The following HNRNPR variants were observed in gnomAD, a reference collection of about 807,000 sequenced individuals.
HNRNPR encodes the protein heterogeneous nuclear ribonucleoprotein R.
In HNRNPR, 4 loss-of-function variants were observed where a neutral mutation model predicts 70.3. The ratio of observed to expected loss-of-function variants is 0.06; its 90% confidence interval spans 0.03 to 0.13. HNRNPR has a LOEUF of 0.13. Among genes scored for constraint, HNRNPR ranks in the 10% least tolerant of loss-of-function variants. The pLI, the probability that HNRNPR is intolerant of heterozygous loss-of-function variation, is 1.00. For synonymous variants in HNRNPR, 241 were observed against 267.6 expected, an observed-to-expected ratio of 0.90 and a Z score of 0.97; for missense variants, 423 against 788.5, an observed-to-expected ratio of 0.54 and a Z score of 5.55.
At position 23,338,026 on chromosome 1, in the gene HNRNPR, G is replaced by C. The variant is rs1646567812; in HGVS notation, c.277-165C>G. ...TTACTATGTGCCAGAGATTGGAGCA[G>C]ACAGCAGTAAGGCAGTATAGACCTC... is the stretch of plus-strand genomic sequence containing the variant. On this transcript the variant is annotated intron_variant, in intron 3 of 10. Transcript: ENST00000302271. The C allele has an allele frequency of 9.4e-5, 55 of 584,438 alleles. No homozygotes were observed. The South Asian group carries it at 1.2e-3, about 12-fold the overall frequency. 36.2% of individuals were successfully genotyped at this position (584,438 alleles called of 1,614,324 possible).
At chr1:23,335,637 G>A (rs1301832538) in intron 4 of HNRNPR, among the ~76,000 whole-genome samples, 1 of 152,112 alleles carries the variant, frequency 6.6e-6, no homozygotes, top group African/African-American at 2.4e-5. Flanking sequence ...CTCCTTATGA[G>A]AATCTAATGC....
intron 5 of HNRNPR, among the ~76,000 whole-genome samples, chr1:23,324,914 G>C (rs933061518): frequency 6.6e-6 from 1 of 152,138 alleles, no homozygotes; most frequent in Admixed American, 6.5e-5. Flanking sequence ...GCTGAGGCGG[G>C]CGGATCACGA....
Position 23,318,539 on chromosome 1 carries a change from C to G in HNRNPR, c.961G>C (p.Val321Leu). ...ACAGGGTCAGCCCATTCAACTGTAACTACATTTCCCCACACTTTTACTTTT... is the reference window on the plus strand; with the variant it reads ...ACAGGGTCAGCCCATTCAACTGTAAGTACATTTCCCCACACTTTTACTTTT... ...SGKVKVWGNV[V>L]TVEWADPVEE... The change falls in exon 8 of 11, where the codon GTT becomes CTT. Residue 321 changes from valine to leucine, a missense_variant. Coordinates refer to ENST00000302271, the MANE Select transcript of HNRNPR (RefSeq NM_005826.5). The surrounding 1 kb of genome is among the most constrained non-coding windows in gnomAD (Gnocchi z 4.2). 6.2e-7 allele frequency: 1 copy of G among 1,614,214 alleles called. No homozygotes were observed.
intron 5 of HNRNPR, among the ~76,000 whole-genome samples, chr1:23,332,431 G>A (rs915652148): frequency 9.3e-5 from 14 of 150,348 alleles, no homozygotes; most frequent in African/African-American, 2.7e-4. Flanking sequence ...GGCCAGGCGC[G>A]GTGGCTCACG....
chr1:23,326,168 C>T (rs1645966229), intron 5 of HNRNPR, among the ~76,000 whole-genome samples: 1 of 151,884 alleles, frequency 6.6e-6, no homozygotes, highest in African/African-American at 2.4e-5. Flanking sequence ...AGCCACTGCG[C>T]CCGGCCTGTT....
chr1:23,323,796 C>T (rs538959457), intron 5 of HNRNPR, 64 bp from the exon 6 acceptor site: 5 of 1,374,090 alleles, frequency 3.6e-6, no homozygotes, highest in Non-Finnish European at 5.1e-6. Context: ...ATAAAGCCTA[C>T]TGCCTTTTTT....
At chr1:23,322,067 G>C (rs1316039300) in intron 6 of HNRNPR, among the ~76,000 whole-genome samples, 1 of 152,066 alleles carries the variant, frequency 6.6e-6, no homozygotes, top group Admixed American at 6.6e-5. Context: ...TAACAACTAT[G>C]TTTAATCAAT....
intron 4 of HNRNPR, 140 bp downstream of exon 4, chr1:23,337,614 G>A (rs970813659): frequency 3.0e-5 from 17 of 570,914 alleles, no homozygotes; most frequent in South Asian, 1.7e-4. Context: ...CCAAGACTGC[G>A]CCGCTACTCC....
At chr1:23,325,476 A>C (rs2148401612) in intron 5 of HNRNPR, among the ~76,000 whole-genome samples, 1 of 152,298 alleles carries the variant, frequency 6.6e-6, no homozygotes, top group African/African-American at 2.4e-5. Flanking sequence ...TGATTCTCAC[A>C]CAATAGTTAT....
At chr1:23,333,428 G>GA in intron 5 of HNRNPR, 90 bp downstream of exon 5, 1 of 714,162 alleles carries the variant, frequency 1.4e-6, no homozygotes, top group Non-Finnish European at 2.4e-6. Context: ...AAGGGATCAA[G>GA]AATTTTCCCC....
chr1:23,312,540 T>TA (rs1645376275), intron 9 of HNRNPR, among the ~76,000 whole-genome samples: 2 of 152,198 alleles, frequency 1.3e-5, no homozygotes, highest in Admixed American at 1.3e-4. Context: ...GCATAACAGA[T>TA]AAGACTCCAT....
intron 2 of HNRNPR, among the ~76,000 whole-genome samples, chr1:23,340,633 A>G (rs1646674612): frequency 6.6e-6 from 1 of 152,216 alleles, no homozygotes; most frequent in South Asian, 2.1e-4. Flanking sequence ...CTGTTCTGAA[A>G]CAACTAAGAC....
At chr1:23,319,241 T>G (rs568176860) in intron 7 of HNRNPR, among the ~76,000 whole-genome samples, 2 of 152,188 alleles carry the variant, frequency 1.3e-5, no homozygotes, top group African/African-American at 4.8e-5. Context: ...TATAAATACT[T>G]AGATTTTTTT....
At chr1:23,335,583 G>A (rs1646439072) in intron 4 of HNRNPR, among the ~76,000 whole-genome samples, 1 of 152,152 alleles carries the variant, frequency 6.6e-6, no homozygotes. Flanking sequence ...ACAGGAGGGT[G>A]AATCCTATTG....
Position 23,310,655 on chromosome 1 carries a change from G to T in HNRNPR, c.1701C>A (p.Gly567=). 6.2e-7 allele frequency: 1 copy of T among 1,613,446 alleles called. No individual in the cohort carries two copies. Among genetic ancestry groups the T allele is most frequent in the Non-Finnish European group, 8.5e-7 (1 of 1,179,746 alleles). ...GSRGSRGNRG[G]NVGGKRKADG... ...CTGCCTTTCTCTTGCCTCCTACATT[G>T]CCCCCACGATTGCCCCGAGATCCAC... The change falls in exon 11 of 11, where the codon GGC becomes GGA. Residue 567 remains glycine (G), a synonymous_variant. Coordinates refer to ENST00000302271, the MANE Select transcript of HNRNPR (RefSeq NM_005826.5). The surrounding 1 kb of genome is among the most constrained non-coding windows in gnomAD (Gnocchi z 6.0).
intron 5 of HNRNPR, among the ~76,000 whole-genome samples, chr1:23,325,860 A>G (rs945099787): frequency 2.0e-5 from 3 of 152,082 alleles, no homozygotes; most frequent in Non-Finnish European, 4.4e-5. Context: ...TTTCACTGAT[A>G]AATGTTTGGT....
At chr1:23,337,894 C>T in intron 3 of HNRNPR, 33 bp from the exon 4 acceptor site, 1 of 1,298,772 alleles carries the variant, frequency 7.7e-7, no homozygotes, top group Non-Finnish European at 1.1e-6. Context: ...TAAAAAGAAT[C>T]ACCAAAAATA....
chr1:23,311,176 T>C (rs762078721), intron 10 of HNRNPR, 25 bp downstream of exon 10: 63 of 1,612,986 alleles, frequency 3.9e-5, no homozygotes, highest in Non-Finnish European at 5.0e-5. Context: ...TGTCCAAAGA[T>C]ATATCTACTA....
chr1:23,326,642 AG>A (rs1645987490), intron 5 of HNRNPR, among the ~76,000 whole-genome samples: 1 of 152,134 alleles, frequency 6.6e-6, no homozygotes, highest in Non-Finnish European at 1.5e-5. Flanking sequence ...AAAATTGGCC[AG>A]GCATGGTGGC....
Sources: gnomAD v4.1 joint callset for allele counts (sites outside exome capture counted in the v4.1 genomes callset) on GRCh38, gnomAD v4.1.1 for gene constraint, Gnocchi (gnomAD v3.1) non-coding constraint, MANE v1.5 for transcripts, NCBI Gene and HGNC (gene_info 2026-07-23, HGNC 2026-07-21) for gene names.